Variants in DGKI observed in about 807,000 individuals in gnomAD.
DGKI encodes diacylglycerol kinase iota, also known as DAG kinase iota.
A neutral mutation model predicts 147.5 loss-of-function variants in DGKI; 55 were observed. The ratio of observed to expected loss-of-function variants is 0.37; its 90% CI spans 0.30 to 0.47. DGKI has a LOEUF of 0.47. DGKI is among the 20% of genes least tolerant of loss of function. DGKI has a pLI of 1.00. For missense variants in DGKI, 1,007 were observed against 1,323.8 expected (o/e 0.76, Z 3.71); for synonymous variants, 469 against 477.1 (o/e 0.98, Z 0.22).
intron 7 of DGKI, among the ~76,000 whole-genome samples, chr7:137,620,987 A>G (rs28366575): frequency 0.031 from 4,691 of 152,270 alleles, 222 homozygotes; most frequent in African/African-American, 0.1. Context: ...ACTGATAATA[A>G]TTATGTTGAA....
In DGKI at chr7:137,521,956, C is replaced by G. The variant is rs1285446985; in HGVS notation, c.2158G>C (p.Val720Leu). 1.9e-6 allele frequency: 3 copies of G among 1,610,578 alleles called. No individual in the cohort carries two copies. Among genetic ancestry groups the G allele is most frequent in the Admixed American group, 1.7e-5 (1 of 59,612 alleles). Residue 720 changes from valine to leucine, a missense_variant, in exon 21 of 33, where the codon GTC becomes CTC. Physicochemically the swap from Val to Leu is conservative, Grantham distance 32. This residue lies in a region of DGKI where 385 missense variants were observed against 445.2 expected (regional missense o/e 0.86). Transcript: ENST00000614521. The stretch of plus-strand genomic sequence containing the variant: ...ACCCGGATCCTCAGACGATCTGGGA[C>G]AGACTGGGGACTGCAAAACAAGAAC... ...SMPLLNDPQSVPDRLRIRVNK... is the reference protein window; with the variant it reads ...SMPLLNDPQSLPDRLRIRVNK...
chr7:137,581,370 T>C (rs1819186157), intron 15 of DGKI, among the ~76,000 whole-genome samples: 1 of 152,140 alleles, frequency 6.6e-6, no homozygotes, highest in Non-Finnish European at 1.5e-5. Flanking sequence ...TGTTCTAAGA[T>C]GCCTGTTGTT....
At chr7:137,676,544 G>C (rs558470505) in intron 3 of DGKI, among the ~76,000 whole-genome samples, 2 of 152,172 alleles carry the variant, frequency 1.3e-5, no homozygotes, top group Non-Finnish European at 2.9e-5. Context: ...TAGGTCTTCA[G>C]CTTCCTCACT....
Position 137,652,493 on chromosome 7 carries a change from T to C in DGKI, c.738+2239A>G, listed in dbSNP as rs529086137. ...TTAACTTGAAACAACCCCTTCTAGT[T>C]TCCTAAATAAAGCACCTCCTTCAAT... is the stretch of plus-strand genomic sequence containing the variant. On this transcript the variant is annotated intron_variant, in intron 5 of 32. Transcript: ENST00000614521. 5.3e-5 allele frequency among the ~76,000 whole-genome samples: 8 copies of C among 152,228 alleles called. No individual in the cohort carries two copies. The South Asian group carries it at 6.2e-4, about 12-fold the overall frequency.
At chr7:137,453,982 G>A (rs1222128217) in intron 27 of DGKI, among the ~76,000 whole-genome samples, 2 of 150,768 alleles carry the variant, frequency 1.3e-5, no homozygotes, top group African/African-American at 2.4e-5. Context: ...TTAGAAAATA[G>A]CACTGTTCAG....
At chr7:137,505,472 T>C (rs1816334274) in intron 21 of DGKI, among the ~76,000 whole-genome samples, 1 of 152,176 alleles carries the variant, frequency 6.6e-6, no homozygotes, top group Non-Finnish European at 1.5e-5. Context: ...AGAATTACCC[T>C]AGATACAAAT....
At chr7:137,452,216 G>C (rs1431517778) in intron 27 of DGKI, among the ~76,000 whole-genome samples, 1 of 152,152 alleles carries the variant, frequency 6.6e-6, no homozygotes, top group Non-Finnish European at 1.5e-5. Context: ...ATGCAGGACA[G>C]GTGTGACAGC....
chr7:137,603,820 TAC>T (rs1820079620), intron 10 of DGKI, among the ~76,000 whole-genome samples: 1 of 152,238 alleles, frequency 6.6e-6, no homozygotes, highest in Admixed American at 6.5e-5. Context: ...ATGAAAAAGC[TAC>T]ATTCTGTTCA....
Position 137,469,616 on chromosome 7 carries a change from G to C in DGKI, c.2377C>G (p.His793Asp). Residue 793 changes from histidine to aspartate, a missense_variant, in exon 24 of 33, where the codon CAT becomes GAT. By Grantham distance (81) the His-to-Asp change is moderately conservative. This residue lies in a region of DGKI where 385 missense variants were observed against 445.2 expected (regional missense o/e 0.86). Transcript: ENST00000614521. ...AGAGCCCTGGGGAAGGAGGTTTCAT[G>C]GTCCTGGAAAGAGACACACACACTC... ...SGSQRVHYQD[H>D]ETSFPRALSA... 1 of 1,613,830 alleles carries C rather than the reference G, an allele frequency of 6.2e-7. No homozygotes were observed. Among genetic ancestry groups the C allele is most frequent in the Non-Finnish European group, 8.5e-7 (1 of 1,179,886 alleles).
intron 23 of DGKI, among the ~76,000 whole-genome samples, chr7:137,482,450 A>G (rs1489725184): frequency 2.6e-5 from 4 of 151,800 alleles, no homozygotes; most frequent in African/African-American, 9.7e-5. Flanking sequence ...AGTTTTAAGC[A>G]CCATTCATCC....
chr7:137,821,439 A>G (rs1010861310), intron 1 of DGKI, among the ~76,000 whole-genome samples: 3 of 152,174 alleles, frequency 2.0e-5, no homozygotes, highest in Admixed American at 2.0e-4. Flanking sequence ...AAAAACTCTT[A>G]AAAGTCCTTT....
intron 4 of DGKI, among the ~76,000 whole-genome samples, chr7:137,655,732 T>C (rs764332880): frequency 1.3e-5 from 2 of 152,232 alleles, no homozygotes; most frequent in East Asian, 1.9e-4. Flanking sequence ...TGAAACTACA[T>C]GAATGTCATG....
intron 4 of DGKI, 97 bp from the exon 5 acceptor site, chr7:137,654,885 T>C: frequency 2.7e-6 from 2 of 740,706 alleles, no homozygotes; most frequent in African/African-American, 1.8e-5. Flanking sequence ...ATATTGAGAC[T>C]GAAAAGCAAA....
In DGKI at chr7:137,770,775, C is replaced by T. The variant is rs552941575; in HGVS notation, c.401+75687G>A. On this transcript the variant is annotated intron_variant, in intron 1 of 32. Coordinates refer to ENST00000614521, the MANE Select transcript of DGKI (RefSeq NM_001321708.2). Reference sequence around the variant, plus strand: ...GTCTCGATCTCCTGACCTCGTGATCCGCCCGCCTCGGCCTCCCAAAGTGCT... The same window carrying T: ...GTCTCGATCTCCTGACCTCGTGATCTGCCCGCCTCGGCCTCCCAAAGTGCT... 0.014 allele frequency among the ~76,000 whole-genome samples: 690 copies of T among 49,940 alleles called. 283 individuals are homozygous for T. The African/African-American group carries it at 0.24, about 18-fold the overall frequency. The allele number at this position is 49,940 out of a possible 152,430, so 32.8% of individuals were successfully genotyped here. A position where few individuals can be genotyped will look rare whatever the true frequency, so the allele number is the denominator to read the frequency against.
At chr7:137,806,143 C>T (rs1797357654) in intron 1 of DGKI, among the ~76,000 whole-genome samples, 1 of 152,224 alleles carries the variant, frequency 6.6e-6, no homozygotes, top group South Asian at 2.1e-4. Flanking sequence ...AAGGTCCCCA[C>T]CTGATGGCTT....
chr7:137,606,139 T>A (rs540388972), intron 10 of DGKI, among the ~76,000 whole-genome samples: 3 of 152,250 alleles, frequency 2.0e-5, no homozygotes, highest in African/African-American at 7.2e-5. Flanking sequence ...TGGGATTTCT[T>A]AAAAGAGAGA....
intron 28 of DGKI, among the ~76,000 whole-genome samples, chr7:137,429,725 C>CA (rs1377717902): frequency 6.9e-6 from 1 of 145,448 alleles, no homozygotes; most frequent in Non-Finnish European, 1.5e-5. Context: ...CAAACAACCC[C>CA]ATCAAAAAGT....
chr7:137,612,113 C>G (rs1246399537), intron 8 of DGKI, among the ~76,000 whole-genome samples: 1 of 151,594 alleles, frequency 6.6e-6, no homozygotes, highest in African/African-American at 2.4e-5. Flanking sequence ...TGATCAAGCA[C>G]GTATGGGGAG....
At chr7:137,727,168 G>A (rs1342962855) in intron 1 of DGKI, among the ~76,000 whole-genome samples, 1 of 151,944 alleles carries the variant, frequency 6.6e-6, no homozygotes, top group African/African-American at 2.4e-5. Context: ...TGAATAATCA[G>A]ATATCTAAAG....
Sources: gnomAD v4.1 joint callset for allele counts (sites outside exome capture counted in the v4.1 genomes callset) on GRCh38, gnomAD v4.1.1 for gene constraint, gnomAD v4.1.1 regional missense constraint, MANE v1.5 for transcripts, NCBI Gene and HGNC (gene_info 2026-07-23, HGNC 2026-07-21) for gene names.